The following TSR1 variants were observed in gnomAD, a reference collection of about 807,000 sequenced individuals.
TSR1 encodes pre-rRNA-processing protein TSR1 homolog.
In TSR1, 81 loss-of-function variants were observed where a neutral mutation model predicts 90.9. The observed-to-expected ratio is 0.89, with a 90% CI of 0.74 to 1.07. The LOEUF (loss-of-function observed/expected upper bound fraction) is 1.07. Ranked by LOEUF, TSR1 falls within the 50% of genes least tolerant of loss-of-function variation. The probability of loss-of-function intolerance (pLI) is 0.00; values close to 1 mark genes in which losing one functional copy is unlikely to be tolerated. For synonymous variants in TSR1, 362 were observed against 348.8 expected, an observed-to-expected ratio of 1.04 and a Z score of -0.42; for missense variants, 989 against 987.3, an observed-to-expected ratio of 1.00 and a Z score of -0.02.
rs1287033606 is a variant in TSR1, at chr17:2,336,407, G to A, written c.21C>T (p.Gly7=). The A allele has an allele frequency of 1.9e-6, 3 of 1,611,918 alleles. No homozygotes were observed. Among genetic ancestry groups the A allele is most frequent in the Non-Finnish European group, 2.5e-6 (3 of 1,179,982 alleles). ...GAGCTTTATTCTGCTGCTTGAGCGG[G>A]CCGGGGCGGTGGGCCGCCATGCCGC... MAAHRP[G]PLKQQNKAHK... The change falls in exon 1 of 15, where the codon GGC becomes GGT. Residue 7 remains glycine (G), a synonymous_variant. Transcript: ENST00000301364.
intron 5 of TSR1, among the ~76,000 whole-genome samples, chr17:2,334,231 C>T (rs1309455556): frequency 3.9e-5 from 6 of 152,112 alleles, no homozygotes; most frequent in African/African-American, 1.2e-4. Flanking sequence ...CAATTAAGTC[C>T]CTTGAGGAAA....
At chr17:2,327,637 A>G (rs146430893) in intron 11 of TSR1, among the ~76,000 whole-genome samples, 1 of 152,214 alleles carries the variant, frequency 6.6e-6, no homozygotes, top group Admixed American at 6.5e-5. Flanking sequence ...AGAAGCTCAA[A>G]TAAGTATCAG....
chr17:2,327,100 C>T (rs998856744), intron 11 of TSR1, among the ~76,000 whole-genome samples: 3 of 149,526 alleles, frequency 2.0e-5, no homozygotes, highest in African/African-American at 7.4e-5. Context: ...AGTGAAACTC[C>T]ATCTCCCAAA....
rs765604180 is a variant in TSR1, at chr17:2,333,646, C to T, written c.1052G>A (p.Arg351Lys). The change falls in exon 6 of 15, where the codon AGA (arginine) becomes AAA (lysine). Residue 351 changes from arginine (R) to lysine (K), a missense_variant. Coordinates refer to ENST00000301364, the MANE Select transcript of TSR1 (RefSeq NM_018128.5). Reference sequence around the variant, plus strand: ...AACCTCTGCTTGCAAGGATTCCTGTCTACCAGGGTCTGCCTTCATTAGGAC... The same window carrying T: ...AACCTCTGCTTGCAAGGATTCCTGTTTACCAGGGTCTGCCTTCATTAGGAC... ...LKVLMKADPG[R>K]QESLQAEVIP... 5 of 1,614,024 alleles carry T rather than the reference C, an allele frequency of 3.1e-6. No individual in the cohort carries two copies. Among genetic ancestry groups the T allele is most frequent in the Admixed American group, 1.7e-5 (1 of 59,988 alleles).
At chr17:2,327,563 AAGTTTTATGCATACAGATCT>A (rs1445982563) in intron 11 of TSR1, among the ~76,000 whole-genome samples, 87 of 152,346 alleles carry the variant, frequency 5.7e-4, no homozygotes, top group African/African-American at 1.5e-3. Flanking sequence ...GAAGTAAATA[AAGTTTTATGCATACAGATCT>A]AGTTTAGAGC....
chr17:2,335,201 A>G, intron 4 of TSR1, 59 bp downstream of exon 4: 1 of 1,549,194 alleles, frequency 6.5e-7, no homozygotes, highest in Admixed American at 1.8e-5. Flanking sequence ...TTCCTGTATC[A>G]AATACCAGGC....
Position 2,322,515 on chromosome 17 carries a change from T to G in TSR1, c.*1681A>C, listed in dbSNP as rs1386481667. On this transcript the variant is annotated 3_prime_UTR_variant, in exon 15 of 15. Coordinates refer to ENST00000301364, the MANE Select transcript of TSR1 (RefSeq NM_018128.5). The stretch of plus-strand genomic sequence containing the variant: ...CTTATTGTGCCTATTTTCTTTTTTT[T>G]TTTGAGACGGAGTCTCACTCTGTCA... The G allele has an allele frequency of 6.6e-6, 1 of 152,356 alleles. No individual in the cohort carries two copies. The highest frequency in any genetic ancestry group is 2.4e-5 in the African/African-American group (1 of 41,444). The allele number at this position is 152,356 out of a possible 1,614,324, so 9.4% of individuals were successfully genotyped here. A position where few individuals can be genotyped will look rare whatever the true frequency, so the allele number is the denominator to read the frequency against.
chr17:2,323,235 C>T lies in TSR1; in HGVS notation c.*961G>A. On this transcript the variant is annotated 3_prime_UTR_variant, in exon 15 of 15. Transcript: ENST00000301364. ...GGGGAAACTGATGCCCAATCTTTATCCTCCAGAAACCATAGCAGATGGTGT... is the reference window on the plus strand; with the variant it reads ...GGGGAAACTGATGCCCAATCTTTATTCTCCAGAAACCATAGCAGATGGTGT... 2 of 1,614,224 alleles carry T rather than the reference C, an allele frequency of 1.2e-6. No homozygotes were observed. The highest frequency in any genetic ancestry group is 1.7e-6 in the Non-Finnish European group (2 of 1,180,042).
chr17:2,335,279 A>G lies in TSR1; in HGVS notation c.537T>C (p.Ala179=), dbSNP rs149253006. 7.4e-6 allele frequency: 12 copies of G among 1,613,946 alleles called. No individual in the cohort carries two copies. The highest frequency in any genetic ancestry group is 1.0e-5 in the Non-Finnish European group (12 of 1,180,028). The stretch of plus-strand genomic sequence containing the variant: ...ACTTACTATAGGTCGGAAGGCCCTG[A>G]GCAAAGAGGCAGGAAAGACAGTAAT... ...TGDYCLSCLF[A]QGLPTYTLAV... The change falls in exon 4 of 15, where the codon GCT becomes GCC. Residue 179 remains alanine (A), a synonymous_variant. Coordinates refer to ENST00000301364, the MANE Select transcript of TSR1 (RefSeq NM_018128.5).
chr17:2,323,680 G>A lies in TSR1; in HGVS notation c.*516C>T, dbSNP rs756486270. ...TGTGCAACCCAGCTGGTGTGGGAGAGGATGAAACTACTCATTGAACCTACA... is the reference window on the plus strand; with the variant it reads ...TGTGCAACCCAGCTGGTGTGGGAGAAGATGAAACTACTCATTGAACCTACA... On this transcript the variant is annotated 3_prime_UTR_variant, in exon 15 of 15. Transcript: ENST00000301364. 3.7e-6 allele frequency: 6 copies of A among 1,614,038 alleles called. No homozygotes were observed. Among genetic ancestry groups the A allele is most frequent in the South Asian group, 3.3e-5 (3 of 91,074 alleles).
intron 4 of TSR1, 49 bp downstream of exon 4, chr17:2,335,211 C>A (rs1252076146): frequency 1.9e-6 from 3 of 1,581,980 alleles, no homozygotes; most frequent in East Asian, 4.5e-5. Flanking sequence ...AAATACCAGG[C>A]ATAGTGCCTG....
At position 2,332,190 on chromosome 17, in the gene TSR1, C is replaced by G. The variant is rs201538861; in HGVS notation, c.1475G>C (p.Arg492Pro). Residue 492 changes from arginine to proline, a missense_variant, in exon 8 of 15, where the codon CGT (arginine) becomes CCT (proline). By Grantham distance (103) the Arg-to-Pro change is moderately radical. Transcript: ENST00000301364. Reference protein sequence around the residue: ...EMFPDEVDTPRDVAARIRFQK... With the variant: ...EMFPDEVDTPPDVAARIRFQK... ...TAACCGAATTCGAGCAGCCACATCACGGGGCGTGTCCACTTCATCTGGAAA... is the reference window on the plus strand; with the variant it reads ...TAACCGAATTCGAGCAGCCACATCAGGGGGCGTGTCCACTTCATCTGGAAA... The G allele has an allele frequency of 1.2e-6, 2 of 1,612,900 alleles. No individual in the cohort carries two copies. The highest frequency in any genetic ancestry group is 1.7e-6 in the Non-Finnish European group (2 of 1,179,788).
In TSR1 at chr17:2,325,238, C is replaced by T. The variant is rs1037860917; in HGVS notation, c.2020+66G>A. On this transcript the variant is annotated intron_variant, in intron 12 of 14. Coordinates refer to ENST00000301364, the MANE Select transcript of TSR1 (RefSeq NM_018128.5). ...CATTTGGCTCCCAAATTTAAATAAA[C>T]AAGAGAAAACGGTGTTCATCTATTA... The T allele has an allele frequency of 4.2e-6, 5 of 1,197,470 alleles. No homozygotes were observed. The African/African-American group carries it at 6.1e-5, about 15-fold the overall frequency. The allele number at this position is 1,197,470 out of a possible 1,614,324, so 74.2% of individuals were successfully genotyped here.
At chr17:2,329,605 G>A in intron 10 of TSR1, 130 bp from the exon 11 acceptor site, 1 of 1,136,422 alleles carries the variant, frequency 8.8e-7, no homozygotes, top group East Asian at 2.5e-5. Context: ...TAATGGTGGA[G>A]TGTAGATGCT....
intron 11 of TSR1, among the ~76,000 whole-genome samples, chr17:2,326,552 T>C (rs1445200062): frequency 2.0e-5 from 3 of 152,132 alleles, no homozygotes; most frequent in African/African-American, 4.8e-5. Context: ...ATCACACCCT[T>C]TTAAATTCTG....
chr17:2,332,719 C>T (rs1395378764), intron 7 of TSR1, among the ~76,000 whole-genome samples: 1 of 152,038 alleles, frequency 6.6e-6, no homozygotes, highest in Non-Finnish European at 1.5e-5. Context: ...CGCCTGTAGT[C>T]CCAGCTACTC....
chr17:2,333,435 G>A, intron 6 of TSR1, 122 bp downstream of exon 6: 2 of 1,168,746 alleles, frequency 1.7e-6, no homozygotes, highest in East Asian at 4.7e-5. Context: ...ATTTGAGGGT[G>A]AGGAGAGACT....
chr17:2,325,465 AC>A, intron 11 of TSR1, 45 bp from the exon 12 acceptor site: 1 of 1,482,018 alleles, frequency 6.7e-7, no homozygotes, highest in Non-Finnish European at 9.3e-7. Context: ...ATTTTGAGAA[AC>A]CAGAGGTGAT....
Position 2,332,362 on chromosome 17 carries a change from G to A in TSR1, c.1306-3C>T. 1.3e-6 allele frequency: 2 copies of A among 1,585,088 alleles called. No individual in the cohort carries two copies. The highest frequency in any genetic ancestry group is 1.2e-5 in the South Asian group (1 of 85,812). ...TCCTCTTCTTCACTACTCTCATCCTGTAGAATAGGATTACAGTTTTTTCAG... is the reference window on the plus strand; with the variant it reads ...TCCTCTTCTTCACTACTCTCATCCTATAGAATAGGATTACAGTTTTTTCAG... On this transcript the variant is annotated splice_polypyrimidine_tract_variant and splice_region_variant and intron_variant, in intron 7 of 14. Transcript: ENST00000301364.
Sources: gnomAD v4.1 joint callset for allele counts (sites outside exome capture counted in the v4.1 genomes callset) on GRCh38, gnomAD v4.1.1 for gene constraint, MANE v1.5 for transcripts, NCBI Gene and HGNC (gene_info 2026-07-23, HGNC 2026-07-21) for gene names.